The following CWF19L2 variants were observed in gnomAD, a reference collection of about 807,000 sequenced individuals.
CWF19L2 encodes the protein CWF19-like protein 2.
CWF19L2 carries 98 observed loss-of-function variants against 111.7 expected under a neutral mutation model. The observed-to-expected ratio is 0.88, with a 90% CI of 0.75 to 1.04. The LOEUF (loss-of-function observed/expected upper bound fraction) is 1.04. Among genes scored for constraint, CWF19L2 ranks in the 50% least tolerant of loss-of-function variants. The pLI, the probability that CWF19L2 is intolerant of heterozygous loss-of-function variation, is 0.00. For missense variants in CWF19L2, 1,101 were observed against 1,051.4 expected (o/e 1.05, Z -0.65); for synonymous variants, 351 against 342.9 (o/e 1.02, Z -0.26).
At chr11:107,434,056 G>A (rs784147) in intron 6 of CWF19L2, among the ~76,000 whole-genome samples, 27,075 of 151,126 alleles carry the variant, frequency 0.18, 2,601 homozygotes, top group Middle Eastern at 0.28. Context: ...TAATGTGACC[G>A]CTACTATAAA....
At chr11:107,393,516 AATC>A (rs1256693916) in intron 10 of CWF19L2, among the ~76,000 whole-genome samples, 4 of 152,212 alleles carry the variant, frequency 2.6e-5, no homozygotes, top group African/African-American at 9.6e-5. Context: ...GGATTCTAAT[AATC>A]ATTAAAGAAT....
chr11:107,457,658 A>C, intron 1 of CWF19L2, 54 bp downstream of exon 1: 6 of 1,306,444 alleles, frequency 4.6e-6, no homozygotes, highest in Non-Finnish European at 6.5e-6. Flanking sequence ...AGCTTACGGG[A>C]ACCCTCAACT....
intron 12 of CWF19L2, among the ~76,000 whole-genome samples, chr11:107,368,587 C>T (rs1860466249): frequency 7.3e-6 from 1 of 137,800 alleles, no homozygotes; most frequent in Non-Finnish European, 1.6e-5. Flanking sequence ...CAGTGACTGA[C>T]AGCTGATGAT....
rs1323971302 is a variant in CWF19L2 at position 107,369,141 on chromosome 11, A to T, written c.1873-15405T>A. Among the ~76,000 whole-genome samples, 2 of 138,102 alleles carry T rather than the reference A, an allele frequency of 1.4e-5. 1 individual carries two copies. Among genetic ancestry groups the T allele is most frequent in the Non-Finnish European group, 3.1e-5 (2 of 64,338 alleles). The allele number at this position is 138,102 out of a possible 152,430, so 90.6% of individuals were successfully genotyped here. ...CAGTTGCTTCTATGCTAACTATATC[A>T]GCAAGAGTTACACGGTTTTTTAGTT... On this transcript the variant is annotated intron_variant, in intron 12 of 17. Coordinates refer to ENST00000282251, the MANE Select transcript of CWF19L2 (RefSeq NM_152434.3).
chr11:107,354,079 T>A (rs2155212), intron 12 of CWF19L2, among the ~76,000 whole-genome samples: 1 of 151,398 alleles, frequency 6.6e-6, no homozygotes, highest in African/African-American at 2.4e-5. Context: ...AATTCACATA[T>A]ACACTATATA....
chr11:107,439,667 A>G (rs555091624), intron 5 of CWF19L2, among the ~76,000 whole-genome samples: 3 of 152,340 alleles, frequency 2.0e-5, no homozygotes, highest in Admixed American at 6.5e-5. Context: ...AGGTAGAAAG[A>G]ATAACAGCAC....
intron 10 of CWF19L2, among the ~76,000 whole-genome samples, chr11:107,402,869 G>GTATA (rs1491324734): frequency 3.2e-4 from 7 of 22,020 alleles, no homozygotes; most frequent in African/African-American, 1.0e-3. Flanking sequence ...ACAAACTGTG[G>GTATA]TGTGTATATA....
intron 6 of CWF19L2, among the ~76,000 whole-genome samples, chr11:107,436,330 T>TA (rs1591204042): frequency 6.6e-6 from 1 of 152,116 alleles, no homozygotes; most frequent in Non-Finnish European, 1.5e-5. Flanking sequence ...TATTTATAAG[T>TA]AAAAAATGAA....
chr11:107,369,768 G>T (rs1860482364), intron 12 of CWF19L2, among the ~76,000 whole-genome samples: 1 of 138,210 alleles, frequency 7.2e-6, no homozygotes, highest in Admixed American at 7.1e-5. Flanking sequence ...CTGCCAACTT[G>T]ATAAAGACAC....
intron 10 of CWF19L2, among the ~76,000 whole-genome samples, chr11:107,395,081 C>A (rs1044573981): frequency 1.3e-5 from 2 of 152,194 alleles, no homozygotes; most frequent in Admixed American, 1.3e-4. Context: ...ACCCAAATCT[C>A]ATCTTGTAGC....
chr11:107,337,401 G>C (rs1859943265), intron 14 of CWF19L2, among the ~76,000 whole-genome samples: 1 of 109,066 alleles, frequency 9.2e-6, no homozygotes, highest in Non-Finnish European at 2.0e-5. Flanking sequence ...GTGTGTGTGT[G>C]TGTGTGTGTA....
intron 12 of CWF19L2, among the ~76,000 whole-genome samples, chr11:107,373,658 C>G (rs1860550613): frequency 7.7e-6 from 1 of 130,162 alleles, no homozygotes; most frequent in Non-Finnish European, 1.6e-5. Context: ...GATAAAACCA[C>G]AAAGATGGGG....
chr11:107,358,099 T>C (rs1860265613), intron 12 of CWF19L2, among the ~76,000 whole-genome samples: 2 of 152,172 alleles, frequency 1.3e-5, no homozygotes, highest in Non-Finnish European at 2.9e-5. Context: ...ATAACAAGTG[T>C]TGTCAAGGAT....
intron 3 of CWF19L2, among the ~76,000 whole-genome samples, chr11:107,449,958 T>C (rs1371700641): frequency 6.6e-6 from 1 of 152,122 alleles, no homozygotes; most frequent in African/African-American, 2.4e-5. Flanking sequence ...ATAATTTTAA[T>C]GAATTTTAAC....
chr11:107,422,087 T>C (rs1298520006), intron 8 of CWF19L2, among the ~76,000 whole-genome samples: 1 of 152,024 alleles, frequency 6.6e-6, no homozygotes, highest in African/African-American at 2.4e-5. Context: ...ATAATTACTC[T>C]GAGTGAAAGA....
intron 12 of CWF19L2, among the ~76,000 whole-genome samples, chr11:107,356,826 T>C (rs911894863): frequency 2.0e-5 from 3 of 151,778 alleles, no homozygotes; most frequent in South Asian, 4.2e-4. Flanking sequence ...TCACCTGAGG[T>C]TGGGAGTTTG....
intron 14 of CWF19L2, among the ~76,000 whole-genome samples, 190 bp from the exon 15 acceptor site, chr11:107,336,903 T>C (rs1000473321): frequency 7.9e-5 from 12 of 152,184 alleles, no homozygotes; most frequent in African/African-American, 4.8e-5. Context: ...AAATCTACTA[T>C]ATAATTTCAT....
intron 3 of CWF19L2, among the ~76,000 whole-genome samples, chr11:107,443,547 A>C (rs973691800): frequency 6.6e-6 from 1 of 152,204 alleles, no homozygotes; most frequent in Admixed American, 6.5e-5. Flanking sequence ...ACCAAACACA[A>C]CCAAATTATT....
rs659040 is a variant in CWF19L2, at chr11:107,428,905, G to A, written c.1327C>T (p.His443Tyr). The change falls in exon 8 of 18, where the codon CAC becomes TAC. Residue 443 changes from histidine to tyrosine, a missense_variant. By Grantham distance (83) the His-to-Tyr change is moderately conservative. Transcript: ENST00000282251. ...CTTGGGTCTTCTGGAACATGTTGGT[G>A]TTCATCAGTACTGGTTTCCGATGGC... ...QKPSETSTDE[H>Y]QHVPEDPREK... is the part of the protein sequence containing the mutation. 308,767 of 1,612,956 alleles carry A rather than the reference G, an allele frequency of 0.19. 32,245 individuals are homozygous for A. The highest frequency in any genetic ancestry group is 0.23 in the Middle Eastern group (1,413 of 6,058).
Sources: allele counts gnomAD v4.1 joint callset (sites outside exome capture counted in the v4.1 genomes callset), GRCh38; gene constraint gnomAD v4.1.1; transcripts MANE v1.5; gene names NCBI Gene and HGNC (gene_info 2026-07-23, HGNC 2026-07-21).